The following PIAS1 variants were observed in gnomAD, a reference collection of about 807,000 sequenced individuals.
PIAS1 encodes the protein protein inhibitor of activated STAT 1, also known as E3 SUMO-protein ligase PIAS1.
A neutral mutation model predicts 71.3 loss-of-function variants in PIAS1; 6 were observed. The ratio of observed to expected loss-of-function variants is 0.08; its 90% CI spans 0.05 to 0.17. The LOEUF is 0.17. PIAS1 is among the 10% of genes least tolerant of loss of function. The probability of loss-of-function intolerance (pLI) is 1.00; values close to 1 mark genes in which losing one functional copy is unlikely to be tolerated. For missense variants in PIAS1, 555 were observed against 793.6 expected (o/e 0.70, Z 3.61); for synonymous variants, 303 against 292.9 (o/e 1.03, Z -0.35).
At chr15:68,061,442 G>A (rs2091958129) in intron 1 of PIAS1, 1 of 152,176 alleles carries the variant, frequency 6.6e-6, no homozygotes, top group Non-Finnish European at 1.5e-5. Flanking sequence ...TTCCTTCAGA[G>A]TTTTCTGGTA....
chr15:68,109,987 T>C (rs867006897), intron 2 of PIAS1, among the ~76,000 whole-genome samples: 4 of 152,198 alleles, frequency 2.6e-5, no homozygotes, highest in Non-Finnish European at 5.9e-5. Context: ...TTTTTACTCC[T>C]GTGGAATTTC....
At chr15:68,145,420 A>T (rs1466814454) in intron 4 of PIAS1, among the ~76,000 whole-genome samples, 2 of 152,328 alleles carry the variant, frequency 1.3e-5, no homozygotes, top group East Asian at 3.9e-4. Flanking sequence ...TTAGCCTATT[A>T]AAAGCTCTGA....
chr15:68,173,655 T>C lies in PIAS1; in HGVS notation c.1009-77T>C. 9.9e-7 allele frequency: 1 copy of C among 1,014,124 alleles called. No homozygotes were observed. The allele number at this position is 1,014,124 out of a possible 1,614,324, so 62.8% of individuals were successfully genotyped here. A position where few individuals can be genotyped will look rare whatever the true frequency, so the allele number is the denominator to read the frequency against. On this transcript the variant is annotated intron_variant, in intron 8 of 13. Coordinates refer to ENST00000249636, the MANE Select transcript of PIAS1 (RefSeq NM_016166.3). The surrounding 1 kb of genome is among the most constrained non-coding windows in gnomAD (Gnocchi z 4.3). ...TTTAAATCAGCATGCCTACCTGTTG[T>C]GTTCTAGGAAATTTTTGTCAAAGCT...
At chr15:68,096,011 G>A (rs1221437577) in intron 2 of PIAS1, among the ~76,000 whole-genome samples, 1 of 152,194 alleles carries the variant, frequency 6.6e-6, no homozygotes, top group African/African-American at 2.4e-5. Context: ...AATGTTGGAT[G>A]TAGTATTATA....
chr15:68,122,284 A>G (rs868608785), intron 2 of PIAS1, among the ~76,000 whole-genome samples: 1 of 152,206 alleles, frequency 6.6e-6, no homozygotes, highest in Non-Finnish European at 1.5e-5. Context: ...GAAAGACAAA[A>G]AATAAACAAA....
At chr15:68,092,698 A>G (rs1271746910) in intron 2 of PIAS1, among the ~76,000 whole-genome samples, 1 of 152,174 alleles carries the variant, frequency 6.6e-6, no homozygotes, top group Non-Finnish European at 1.5e-5. Context: ...AAGAGGCTCC[A>G]AGGAGCTTGT....
At chr15:68,143,165 A>T (rs1475084540) in intron 4 of PIAS1, among the ~76,000 whole-genome samples, 4 of 152,058 alleles carry the variant, frequency 2.6e-5, no homozygotes, top group Non-Finnish European at 5.9e-5. Context: ...TGGAATAGGG[A>T]TGGAAGAGAA....
At chr15:68,154,203 A>G (rs2092870558) in intron 7 of PIAS1, among the ~76,000 whole-genome samples, 1 of 152,162 alleles carries the variant, frequency 6.6e-6, no homozygotes. Flanking sequence ...TCTGATTTCT[A>G]ATGCTTCTGC....
chr15:68,138,077 G>A (rs777881837), intron 2 of PIAS1, among the ~76,000 whole-genome samples: 6 of 152,150 alleles, frequency 3.9e-5, no homozygotes, highest in Non-Finnish European at 8.8e-5. Context: ...TTGAGCACAG[G>A]AGTTTGAGGC....
At chr15:68,078,713 C>A (rs1331846172) in intron 1 of PIAS1, among the ~76,000 whole-genome samples, 1 of 152,128 alleles carries the variant, frequency 6.6e-6, no homozygotes, top group Non-Finnish European at 1.5e-5. Context: ...GTTTTCTTAT[C>A]TATACAGTGA....
At chr15:68,110,308 C>T (rs1373506773) in intron 2 of PIAS1, among the ~76,000 whole-genome samples, 2 of 152,100 alleles carry the variant, frequency 1.3e-5, no homozygotes, top group Admixed American at 6.6e-5. Flanking sequence ...TTGAAAGATA[C>T]TTACGGCTGG....
At chr15:68,161,493 T>G (rs1164584728) in intron 7 of PIAS1, among the ~76,000 whole-genome samples, 3 of 152,008 alleles carry the variant, frequency 2.0e-5, no homozygotes, top group Admixed American at 6.5e-5. Context: ...CATAGGTTTT[T>G]TTTTTTTTTT....
intron 7 of PIAS1, among the ~76,000 whole-genome samples, chr15:68,164,498 G>C (rs73423793): frequency 0.022 from 3,364 of 152,088 alleles, 118 homozygotes; most frequent in African/African-American, 0.075. Context: ...TGTCCCCTGA[G>C]TGAGAAATAG....
chr15:68,060,873 A>G (rs1319106421), intron 1 of PIAS1, among the ~76,000 whole-genome samples: 1 of 152,202 alleles, frequency 6.6e-6, no homozygotes, highest in Non-Finnish European at 1.5e-5. Context: ...TAGTAGAGAC[A>G]GGGTTTCACC....
chr15:68,140,848 G>A (rs1169566123), intron 2 of PIAS1, among the ~76,000 whole-genome samples: 3 of 152,074 alleles, frequency 2.0e-5, no homozygotes, highest in Non-Finnish European at 4.4e-5. Flanking sequence ...ATAACTCTTA[G>A]TGATCATTTT....
At chr15:68,100,098 GAA>G (rs56224845) in intron 2 of PIAS1, among the ~76,000 whole-genome samples, 58,670 of 138,680 alleles carry the variant, frequency 0.42, 12,572 homozygotes, top group East Asian at 0.78. Flanking sequence ...ATTTCTTCGG[GAA>G]AAAAAAAAAA....
At chr15:68,077,458 T>G (rs1220591682) in intron 1 of PIAS1, among the ~76,000 whole-genome samples, 1 of 152,198 alleles carries the variant, frequency 6.6e-6, no homozygotes, top group Non-Finnish European at 1.5e-5. Context: ...TCAATTTTGG[T>G]ATACCAAGAG....
intron 2 of PIAS1, among the ~76,000 whole-genome samples, chr15:68,109,509 A>G (rs2092503301): frequency 6.6e-6 from 1 of 152,178 alleles, no homozygotes; most frequent in South Asian, 2.1e-4. Context: ...GAACAGATTC[A>G]TTTCATATTC....
At chr15:68,113,990 G>A (rs575407646) in intron 2 of PIAS1, among the ~76,000 whole-genome samples, 2 of 149,604 alleles carry the variant, frequency 1.3e-5, no homozygotes, top group South Asian at 4.3e-4. Context: ...ATCTCTCTCT[G>A]TCTCTCTCTT....
Sources: gnomAD v4.1 joint callset for allele counts (sites outside exome capture counted in the v4.1 genomes callset) on GRCh38, gnomAD v4.1.1 for gene constraint, Gnocchi (gnomAD v3.1) non-coding constraint, MANE v1.5 for transcripts, NCBI Gene and HGNC (gene_info 2026-07-23, HGNC 2026-07-21) for gene names.